The following SNTG2 variants were observed in gnomAD, a reference collection of about 807,000 sequenced individuals.
SNTG2 encodes the protein gamma-2-syntrophin.
In SNTG2, 74 loss-of-function variants were observed where a neutral mutation model predicts 70.9. The observed-to-expected ratio is 1.04, with a 90% CI of 0.86 to 1.27. SNTG2 has a LOEUF of 1.27. Among genes scored for constraint, SNTG2 ranks in the 50% most tolerant of loss-of-function variants. The pLI is 0.00. For synonymous variants in SNTG2, 278 were observed against 273.8 expected, an observed-to-expected ratio of 1.02 and a Z score of -0.15; for missense variants, 717 against 690.7, an observed-to-expected ratio of 1.04 and a Z score of -0.43.
intron 1 of SNTG2, among the ~76,000 whole-genome samples, chr2:1,071,810 C>T (rs1256911069): frequency 6.6e-6 from 1 of 152,126 alleles, no homozygotes; most frequent in African/African-American, 2.4e-5. Flanking sequence ...AGTGAACACA[C>T]AAATGATAAG....
intron 8 of SNTG2, among the ~76,000 whole-genome samples, chr2:1,174,963 C>T (rs72766788): frequency 0.05 from 7,607 of 152,238 alleles, 295 homozygotes; most frequent in East Asian, 0.21. Flanking sequence ...CTTCCTACAG[C>T]TTATAACTTG....
chr2:1,218,974 C>T (rs563789263), intron 9 of SNTG2, among the ~76,000 whole-genome samples: 21 of 152,238 alleles, frequency 1.4e-4, no homozygotes, highest in African/African-American at 3.9e-4. Context: ...AATTGTGATG[C>T]GGTTTAGGTC....
At chr2:1,076,526 G>A (rs1194021982) in intron 1 of SNTG2, among the ~76,000 whole-genome samples, 2 of 152,086 alleles carry the variant, frequency 1.3e-5, no homozygotes, top group African/African-American at 4.8e-5. Flanking sequence ...TAATTATTTG[G>A]TGAGTGTTAT....
chr2:1,004,744 C>T (rs1478976099), intron 1 of SNTG2, among the ~76,000 whole-genome samples: 1 of 152,168 alleles, frequency 6.6e-6, no homozygotes, highest in East Asian at 1.9e-4. Context: ...TTTTGGAAGA[C>T]AGTTTGGTGG....
chr2:1,325,253 C>T (rs1254309436), intron 16 of SNTG2, among the ~76,000 whole-genome samples: 1 of 152,106 alleles, frequency 6.6e-6, no homozygotes, highest in Non-Finnish European at 1.5e-5. Flanking sequence ...TAAGAATACT[C>T]ATGAATGGTT....
At chr2:1,236,820 T>C (rs28550085) in intron 9 of SNTG2, among the ~76,000 whole-genome samples, 16,110 of 152,284 alleles carry the variant, frequency 0.11, 893 homozygotes, top group South Asian at 0.15. Context: ...TATTAGAACA[T>C]AGCTTAGTGA....
chr2:1,101,383 T>G (rs897698266), intron 4 of SNTG2, among the ~76,000 whole-genome samples: 1 of 152,238 alleles, frequency 6.6e-6, no homozygotes. Flanking sequence ...CCAGAATTCA[T>G]GTTTTAGAGA....
intron 6 of SNTG2, among the ~76,000 whole-genome samples, chr2:1,149,192 C>T (rs73160134): frequency 0.21 from 349 of 1,664 alleles, 6 homozygotes; most frequent in Non-Finnish European, 0.43. Context: ...TCTTGTCGGA[C>T]GTGTGTGTGT....
At chr2:1,170,090 G>A (rs750868171) in intron 7 of SNTG2, among the ~76,000 whole-genome samples, 6 of 152,170 alleles carry the variant, frequency 3.9e-5, no homozygotes, top group Non-Finnish European at 8.8e-5. Flanking sequence ...TGGGGAAAGA[G>A]AGTATCACGG....
At chr2:1,243,482 G>A (rs941790664) in intron 11 of SNTG2, among the ~76,000 whole-genome samples, 4 of 152,152 alleles carry the variant, frequency 2.6e-5, no homozygotes, top group Non-Finnish European at 5.9e-5. Flanking sequence ...AAGGCTTGCT[G>A]CTGCCATGCT....
intron 8 of SNTG2, among the ~76,000 whole-genome samples, chr2:1,188,400 G>A (rs1383365561): frequency 1.3e-5 from 2 of 152,026 alleles, no homozygotes; most frequent in African/African-American, 4.8e-5. Flanking sequence ...TTAAATAAAT[G>A]TAAATAGATA....
intron 6 of SNTG2, among the ~76,000 whole-genome samples, chr2:1,151,677 C>T (rs1363787295): frequency 1.3e-5 from 2 of 152,154 alleles, no homozygotes; most frequent in Non-Finnish European, 2.9e-5. Flanking sequence ...AAAGCCTTTG[C>T]GTCCTGGATT....
chr2:1,057,607 C>G (rs1231294994), intron 1 of SNTG2, among the ~76,000 whole-genome samples: 8 of 152,078 alleles, frequency 5.3e-5, no homozygotes, highest in Admixed American at 5.2e-4. Context: ...TTAGATGGTG[C>G]CCACTGAAAT....
intron 13 of SNTG2, among the ~76,000 whole-genome samples, chr2:1,259,800 A>T (rs954125903): frequency 5.3e-5 from 8 of 152,250 alleles, no homozygotes; most frequent in Non-Finnish European, 1.2e-4. Context: ...TGTTTTCAAC[A>T]AATCAGATAC....
chr2:1,367,299 T>C (rs552301826), intron 16 of SNTG2, 44 bp from the exon 17 acceptor site: 1 of 1,488,148 alleles, frequency 6.7e-7, no homozygotes. Context: ...TAACGTGTTC[T>C]TCCAACAATT....
chr2:1,109,513 G>A (rs975171105), intron 4 of SNTG2, among the ~76,000 whole-genome samples: 13 of 152,174 alleles, frequency 8.5e-5, no homozygotes, highest in Admixed American at 2.0e-4. Flanking sequence ...GGCAAGGGAC[G>A]CATGATTATT....
intron 1 of SNTG2, among the ~76,000 whole-genome samples, chr2:1,011,245 G>A (rs751093050): frequency 4.6e-5 from 7 of 152,212 alleles, no homozygotes; most frequent in Non-Finnish European, 7.3e-5. Flanking sequence ...GAGCCACATA[G>A]GCAACACACT....
chr2:1,135,482 G>A (rs1420260735), intron 4 of SNTG2, among the ~76,000 whole-genome samples: 1 of 152,240 alleles, frequency 6.6e-6, no homozygotes, highest in Non-Finnish European at 1.5e-5. Flanking sequence ...CACTTTGGGA[G>A]GCCGAGGCGG....
chr2:1,061,025 G>A (rs937894440), intron 1 of SNTG2, among the ~76,000 whole-genome samples: 1 of 152,140 alleles, frequency 6.6e-6, no homozygotes, highest in Non-Finnish European at 1.5e-5. Context: ...GTAAACTTGT[G>A]ACCCTCACAC....
Sources: gnomAD v4.1 joint callset for allele counts (sites outside exome capture counted in the v4.1 genomes callset) on GRCh38, gnomAD v4.1.1 for gene constraint, MANE v1.5 for transcripts, NCBI Gene and HGNC (gene_info 2026-07-23, HGNC 2026-07-21) for gene names.